Variants in CUL3 observed in about 807,000 individuals in gnomAD.
The protein encoded by CUL3 is cullin-3.
In CUL3, 19 loss-of-function variants were observed where a neutral mutation model predicts 89.1. That is an observed-to-expected ratio of 0.21 (90% CI 0.15 to 0.31). The LOEUF (loss-of-function observed/expected upper bound fraction) is 0.31. Ranked by LOEUF, CUL3 falls within the 10% of genes least tolerant of loss-of-function variation. The pLI is 1.00. For synonymous variants in CUL3, 351 were observed against 308.4 expected, an observed-to-expected ratio of 1.14 and a Z score of -1.45; for missense variants, 469 against 942.3, an observed-to-expected ratio of 0.50 and a Z score of 6.58.
In CUL3 at chr2:224,470,632, A is replaced by G. The variant is rs1438361883; in HGVS notation, c.*3613T>C. The G allele has an allele frequency of 1.7e-5, 4 of 231,784 alleles. No homozygotes were observed. Among genetic ancestry groups the G allele is most frequent in the Non-Finnish European group, 3.4e-5 (4 of 117,252 alleles). 14.4% of individuals were successfully genotyped at this position (231,784 alleles called of 1,614,324 possible). A position where few individuals can be genotyped will look rare whatever the true frequency, so the allele number is the denominator to read the frequency against. On this transcript the variant is annotated 3_prime_UTR_variant, in exon 16 of 16. Transcript: ENST00000264414. The stretch of plus-strand genomic sequence containing the variant: ...CTGTGGTACCCACTTAAGTATGTAA[A>G]ACTTTCTCTAAGATTGTAGGAGACA...
At chr2:224,521,413 A>T (rs1034845884) in intron 3 of CUL3, among the ~76,000 whole-genome samples, 2 of 151,978 alleles carry the variant, frequency 1.3e-5, no homozygotes, top group African/African-American at 4.8e-5. Flanking sequence ...TTTGCTTTAA[A>T]GTCCAGTAGT....
intron 13 of CUL3, among the ~76,000 whole-genome samples, chr2:224,489,819 CA>C (rs1398659134): frequency 6.6e-6 from 1 of 152,084 alleles, no homozygotes; most frequent in East Asian, 1.9e-4. Context: ...ACTAAAACAC[CA>C]AAAGCAACTG....
chr2:224,495,999 C>A (rs980848504), intron 12 of CUL3, 33 bp from the exon 13 acceptor site: 1 of 1,606,018 alleles, frequency 6.2e-7, no homozygotes, highest in Admixed American at 1.7e-5. Context: ...TAAACAAAGA[C>A]ACAATCATTT....
intron 3 of CUL3, among the ~76,000 whole-genome samples, chr2:224,518,649 T>G (rs892914296): frequency 3.3e-5 from 5 of 152,236 alleles, no homozygotes; most frequent in Non-Finnish European, 7.3e-5. Context: ...TAACTGGCTA[T>G]GTGACCTTAA....
intron 2 of CUL3, among the ~76,000 whole-genome samples, chr2:224,554,141 T>C (rs1470381502): frequency 6.6e-6 from 1 of 152,126 alleles, no homozygotes; most frequent in Non-Finnish European, 1.5e-5. Flanking sequence ...GATGTTTTTT[T>C]CTGCACCTGT....
intron 2 of CUL3, among the ~76,000 whole-genome samples, chr2:224,536,411 A>G (rs1693901622): frequency 6.9e-6 from 1 of 145,700 alleles, no homozygotes; most frequent in African/African-American, 2.6e-5. Context: ...CTTCTTCACC[A>G]TACAATTTGT....
intron 2 of CUL3, among the ~76,000 whole-genome samples, chr2:224,547,343 T>A (rs1694343250): frequency 6.6e-6 from 1 of 152,182 alleles, no homozygotes; most frequent in Non-Finnish European, 1.5e-5. Flanking sequence ...ACCTTCCATC[T>A]ATACTGATCT....
intron 1 of CUL3, among the ~76,000 whole-genome samples, chr2:224,581,632 A>G (rs1225269886): frequency 4.0e-5 from 6 of 150,392 alleles, no homozygotes; most frequent in Non-Finnish European, 8.9e-5. Flanking sequence ...CCTCCCGAGC[A>G]GCTGGAATTA....
At chr2:224,566,910 T>C (rs561764607) in intron 1 of CUL3, among the ~76,000 whole-genome samples, 1 of 152,300 alleles carries the variant, frequency 6.6e-6, no homozygotes, top group South Asian at 2.1e-4. Flanking sequence ...CTTCACAAAC[T>C]TCCTTTTAAC....
At chr2:224,572,323 A>T (rs1453907549) in intron 1 of CUL3, among the ~76,000 whole-genome samples, 1 of 152,134 alleles carries the variant, frequency 6.6e-6, no homozygotes, top group Non-Finnish European at 1.5e-5. Context: ...ATTCATGTTG[A>T]AATTTAATCA....
intron 15 of CUL3, 71 bp from the exon 16 acceptor site, chr2:224,474,447 G>T: frequency 7.6e-7 from 1 of 1,320,354 alleles, no homozygotes; most frequent in Non-Finnish European, 1.0e-6. Context: ...GAACTGATAT[G>T]TCATTTTAAC....
intron 2 of CUL3, among the ~76,000 whole-genome samples, chr2:224,552,205 T>C (rs1694539509): frequency 6.6e-6 from 1 of 150,966 alleles, no homozygotes; most frequent in Admixed American, 6.7e-5. Flanking sequence ...AGCAGAACTT[T>C]TTTCCTCCAT....
chr2:224,563,008 GC>G, intron 1 of CUL3: 1 of 279,152 alleles, frequency 3.6e-6, no homozygotes, highest in East Asian at 1.1e-4. Flanking sequence ...ATTTAACACA[GC>G]CCAGAGCACA....
At chr2:224,574,981 A>G (rs915104804) in intron 1 of CUL3, among the ~76,000 whole-genome samples, 1 of 152,246 alleles carries the variant, frequency 6.6e-6, no homozygotes, top group African/African-American at 2.4e-5. Flanking sequence ...TCCTCTCTCA[A>G]GAATCTTGGC....
At chr2:224,516,360 A>G (rs925256888) in intron 3 of CUL3, among the ~76,000 whole-genome samples, 1 of 138,344 alleles carries the variant, frequency 7.2e-6, no homozygotes, top group African/African-American at 2.8e-5. Context: ...CTCTGTCACC[A>G]GGCTGGAGTG....
At chr2:224,552,027 A>T (rs867930353) in intron 2 of CUL3, among the ~76,000 whole-genome samples, 1 of 152,176 alleles carries the variant, frequency 6.6e-6, no homozygotes, top group Non-Finnish European at 1.5e-5. Context: ...TATCTGTTTC[A>T]TAAGTGCAGG....
intron 7 of CUL3, 69 bp from the exon 8 acceptor site, chr2:224,506,201 T>C (rs957387313): frequency 5.8e-6 from 6 of 1,037,154 alleles, no homozygotes; most frequent in African/African-American, 1.6e-5. Context: ...CTTATGACCA[T>C]GTATGTTTAT....
chr2:224,584,410 T>G (rs569632907), intron 1 of CUL3, among the ~76,000 whole-genome samples: 1 of 152,242 alleles, frequency 6.6e-6, no homozygotes, highest in South Asian at 2.1e-4. Flanking sequence ...CCACGGAGCA[T>G]TCCGTGGAAC....
At chr2:224,490,988 A>G (rs1691949815) in intron 13 of CUL3, among the ~76,000 whole-genome samples, 1 of 152,256 alleles carries the variant, frequency 6.6e-6, no homozygotes, top group East Asian at 1.9e-4. Context: ...ATGTACCCAT[A>G]AAAATTATAA....
Sources: gnomAD v4.1 joint callset for allele counts (sites outside exome capture counted in the v4.1 genomes callset) on GRCh38, gnomAD v4.1.1 for gene constraint, MANE v1.5 for transcripts, NCBI Gene and HGNC (gene_info 2026-07-23, HGNC 2026-07-21) for gene names.